The following MCF2L variants were observed in gnomAD, a reference collection of about 807,000 sequenced individuals.
MCF2L encodes the protein guanine nucleotide exchange factor DBS.
In MCF2L, 97 loss-of-function variants were observed where a neutral mutation model predicts 153.4. That is an observed-to-expected ratio of 0.63 (90% CI 0.54 to 0.75). MCF2L has a LOEUF of 0.75. Among genes scored for constraint, MCF2L ranks in the 30% least tolerant of loss-of-function variants. The probability of loss-of-function intolerance (pLI) is 0.00; values close to 1 mark genes in which losing one functional copy is unlikely to be tolerated. For synonymous variants in MCF2L, 659 were observed against 632.2 expected (o/e 1.04, Z -0.64); for missense variants, 1,347 against 1,495.2 (o/e 0.90, Z 1.64).
At chr13:113,024,453 C>A (rs2085098302) in intron 2 of MCF2L, among the ~76,000 whole-genome samples, 191 bp from the exon 3 acceptor site, 1 of 152,222 alleles carries the variant, frequency 6.6e-6, no homozygotes, top group South Asian at 2.1e-4. Flanking sequence ...AAATTCACAT[C>A]ACTTTTGTGT....
intron 1 of MCF2L, among the ~76,000 whole-genome samples, chr13:112,977,101 T>A (rs919610704): frequency 6.6e-6 from 1 of 152,136 alleles, no homozygotes; most frequent in African/African-American, 2.4e-5. Flanking sequence ...ACCCAACAGC[T>A]CATTTAAGAC....
At chr13:112,906,037 C>A (rs2081169401) in intron 2 of MCF2L, among the ~76,000 whole-genome samples, 1 of 152,224 alleles carries the variant, frequency 6.6e-6, no homozygotes, top group African/African-American at 2.4e-5. Flanking sequence ...TCAACAGACA[C>A]TGGTCTTTGA....
intron 2 of MCF2L, among the ~76,000 whole-genome samples, chr13:112,942,476 C>T (rs1008763670): frequency 2.0e-5 from 3 of 152,122 alleles, no homozygotes; most frequent in Non-Finnish European, 4.4e-5. Flanking sequence ...TACCAGTCTC[C>T]GTGTCTTGGT....
At chr13:113,089,190 A>G (rs1407801511) in intron 25 of MCF2L, among the ~76,000 whole-genome samples, 1 of 52,678 alleles carries the variant, frequency 1.9e-5, no homozygotes, top group Non-Finnish European at 3.9e-5. Flanking sequence ...CGCCCCCCGA[A>G]AAAAAAAGCC....
At chr13:113,013,705 C>G in intron 1 of MCF2L, among the ~76,000 whole-genome samples, 1 of 152,206 alleles carries the variant, frequency 6.6e-6, no homozygotes. Context: ...AGCGTGAGTC[C>G]TGCATCTTTT....
chr13:112,982,083 G>A (rs780843207), intron 1 of MCF2L, among the ~76,000 whole-genome samples: 2 of 152,138 alleles, frequency 1.3e-5, no homozygotes, highest in African/African-American at 4.8e-5. Context: ...CTGAGGGGTC[G>A]GGCAGTGGGG....
At chr13:113,012,133 A>AC (rs1484601594) in intron 1 of MCF2L, among the ~76,000 whole-genome samples, 2 of 106,326 alleles carry the variant, frequency 1.9e-5, no homozygotes, top group African/African-American at 3.3e-5. Flanking sequence ...GACGGTGGAC[A>AC]GGCAGTGTGG....
chr13:112,960,731 T>C lies in MCF2L; in HGVS notation c.170-54032T>C, dbSNP rs1160960687. Among the ~76,000 whole-genome samples the C allele has an allele frequency of 6.6e-6, 1 of 152,130 alleles. No individual in the cohort carries two copies. The highest frequency in any genetic ancestry group is 1.5e-5 in the Non-Finnish European group (1 of 68,002). On this transcript the variant is annotated intron_variant, in intron 2 of 29. Transcript: ENST00000375608. The surrounding 1 kb of genome is among the most constrained non-coding windows in gnomAD (Gnocchi z 4.2). ...TCTGGAGGCTCCAGGAAGAATCCTT[T>C]CCTCGCCCTGTCCAGCCCCAGGTGC...
intron 2 of MCF2L, among the ~76,000 whole-genome samples, chr13:112,954,602 G>C (rs1460240439): frequency 6.6e-6 from 1 of 152,154 alleles, no homozygotes; most frequent in East Asian, 1.9e-4. Flanking sequence ...GCCCTCAGTG[G>C]GCTCTTCCCA....
At chr13:112,905,948 G>A (rs1285464138) in intron 2 of MCF2L, among the ~76,000 whole-genome samples, 1 of 152,228 alleles carries the variant, frequency 6.6e-6, no homozygotes, top group African/African-American at 2.4e-5. Flanking sequence ...AACCATGATA[G>A]AAGGTGATTC....
At chr13:113,044,385 C>A in intron 3 of MCF2L, 1 of 373,768 alleles carries the variant, frequency 2.7e-6, no homozygotes, top group Admixed American at 3.7e-5. Flanking sequence ...GATATAAATC[C>A]CTGGCTTGTT....
At chr13:112,929,648 C>T (rs2081441739) in intron 2 of MCF2L, among the ~76,000 whole-genome samples, 1 of 152,238 alleles carries the variant, frequency 6.6e-6, no homozygotes, top group South Asian at 2.1e-4. Flanking sequence ...GGGTGGAGCT[C>T]CAGACCCTGG....
chr13:113,007,170 G>T (rs1594610926), intron 1 of MCF2L, among the ~76,000 whole-genome samples: 1 of 152,208 alleles, frequency 6.6e-6, no homozygotes, highest in African/African-American at 2.4e-5. Context: ...GGGCATGAGT[G>T]CACACAGATC....
At chr13:112,902,301 T>C in exon 2 of MCF2L, 2 of 1,612,914 alleles carry the variant, frequency 1.2e-6, no homozygotes, top group East Asian at 2.2e-5. Context: ...AGGAAACGGA[T>C]CACCAAATTG....
upstream of MCF2L, chr13:112,968,798 A>C: frequency 5.9e-6 from 8 of 1,344,732 alleles, no homozygotes; most frequent in South Asian, 1.1e-4. Flanking sequence ...GCTGCCCGCA[A>C]ACCAGGAGGG....
At chr13:113,050,193 C>G (rs1039541656) in intron 4 of MCF2L, among the ~76,000 whole-genome samples, 1 of 149,920 alleles carries the variant, frequency 6.7e-6, no homozygotes, top group Non-Finnish European at 1.5e-5. Context: ...TGTGTGCGAG[C>G]GAGTGGGAGT....
chr13:112,901,909 C>T (rs9549605), intron 1 of MCF2L, among the ~76,000 whole-genome samples: 16,436 of 152,216 alleles, frequency 0.11, 1,262 homozygotes, highest in Admixed American at 0.18. Flanking sequence ...GGGAAAACCT[C>T]GGTTGTTGTT....
At chr13:113,026,896 G>T (rs374874663) in intron 3 of MCF2L, 12 of 760,406 alleles carry the variant, frequency 1.6e-5, no homozygotes, top group East Asian at 2.5e-5. Flanking sequence ...GCATCAGGCC[G>T]GTGAGCTGCA....
chr13:113,018,013 G>T (rs1048821036), intron 2 of MCF2L, among the ~76,000 whole-genome samples: 5 of 152,256 alleles, frequency 3.3e-5, no homozygotes, highest in East Asian at 1.9e-4. Flanking sequence ...GCTGTCTGCC[G>T]CGGAGCCATG....
Sources: gnomAD v4.1 joint callset for allele counts (sites outside exome capture counted in the v4.1 genomes callset) on GRCh38, gnomAD v4.1.1 for gene constraint, Gnocchi (gnomAD v3.1) non-coding constraint, MANE v1.5 for transcripts, NCBI Gene and HGNC (gene_info 2026-07-23, HGNC 2026-07-21) for gene names.